Variants in TTC7A observed in about 807,000 individuals in gnomAD.
The protein encoded by TTC7A is tetratricopeptide repeat domain 7A.
A neutral mutation model predicts 103.7 loss-of-function variants in TTC7A; 110 were observed. The ratio of observed to expected loss-of-function variants is 1.06; its 90% confidence interval spans 0.91 to 1.24. The LOEUF (loss-of-function observed/expected upper bound fraction) is 1.24, where lower values mean the gene tolerates loss of function less well. TTC7A is among the 50% of genes most tolerant of loss of function. The probability of loss-of-function intolerance (pLI) is 0.00; values close to 1 mark genes in which losing one functional copy is unlikely to be tolerated. For missense variants in TTC7A, 1,340 were observed against 1,116.3 expected, an observed-to-expected ratio of 1.20 and a Z score of -2.86; for synonymous variants, 521 against 467.9, an observed-to-expected ratio of 1.11 and a Z score of -1.47.
At chr2:47,036,606 A>G (rs371119750) in intron 15 of TTC7A, among the ~76,000 whole-genome samples, 13 of 152,304 alleles carry the variant, frequency 8.5e-5, no homozygotes, top group African/African-American at 3.1e-4. Context: ...GGCTGGGCAC[A>G]GTGGCTTTGG....
chr2:47,002,560 C>T (rs1676933049), intron 8 of TTC7A, among the ~76,000 whole-genome samples: 1 of 152,040 alleles, frequency 6.6e-6, no homozygotes, highest in Non-Finnish European at 1.5e-5. Context: ...ACCATGTGGC[C>T]TGAGGGCAGT....
intron 15 of TTC7A, among the ~76,000 whole-genome samples, chr2:47,037,105 A>C (rs1173492678): frequency 5.9e-5 from 9 of 152,084 alleles, no homozygotes; most frequent in Admixed American, 5.2e-4. Context: ...CTTCCTGCCC[A>C]TCTTCAGAGG....
Position 46,962,601 on chromosome 2 carries a change from T to G in TTC7A, c.517+5594T>G, listed in dbSNP as rs539533090. 3.3e-5 allele frequency among the ~76,000 whole-genome samples: 5 copies of G among 152,334 alleles called. No individual in the cohort carries two copies. The East Asian group carries it at 9.6e-4, about 29-fold the overall frequency. On this transcript the variant is annotated intron_variant, in intron 3 of 19. Coordinates refer to ENST00000319190, the MANE Select transcript of TTC7A (RefSeq NM_020458.4). ...TGCAGCTAGAGGGGAAGCAGCTGTT[T>G]GGAAGACCCCAGAGTGGCTGGTCTG... is the stretch of plus-strand genomic sequence containing the variant.
At chr2:47,011,829 G>C (rs10190800) in intron 11 of TTC7A, among the ~76,000 whole-genome samples, 5,299 of 152,342 alleles carry the variant, frequency 0.035, 334 homozygotes, top group African/African-American at 0.12. Context: ...CGCGATTCTG[G>C]GGGCAGAGCT....
At chr2:46,958,504 G>A (rs888973604) in intron 3 of TTC7A, 20 of 1,304,102 alleles carry the variant, frequency 1.5e-5, no homozygotes, top group African/African-American at 1.2e-4. Context: ...GCATGCCTCC[G>A]GCTTCTTGGG....
At position 46,941,847 on chromosome 2, in the gene TTC7A, C is replaced by T. The variant is rs949936786; in HGVS notation, c.184+122C>T. 23 of 1,291,056 alleles carry T rather than the reference C, an allele frequency of 1.8e-5. No individual in the cohort carries two copies. In the African/African-American group the frequency reaches 1.9e-4, roughly 11 times the overall value. 80.0% of individuals were successfully genotyped at this position (1,291,056 alleles called of 1,614,324 possible). A position where few individuals can be genotyped will look rare whatever the true frequency, so the allele number is the denominator to read the frequency against. On this transcript the variant is annotated intron_variant, in intron 1 of 19. Coordinates refer to ENST00000319190, the MANE Select transcript of TTC7A (RefSeq NM_020458.4). The surrounding 1 kb of genome is among the most constrained non-coding windows in gnomAD (Gnocchi z 4.2). Reference sequence around the variant, plus strand: ...GCGCCTGCCAGCCCACCGTGCTAGTCTTAAGAGCAGCCAGGGCAGTTAGGA... The same window carrying T: ...GCGCCTGCCAGCCCACCGTGCTAGTTTTAAGAGCAGCCAGGGCAGTTAGGA...
chr2:47,023,308 G>A (rs1679495584), intron 12 of TTC7A, 100 bp from the exon 13 acceptor site: 2 of 1,275,352 alleles, frequency 1.6e-6, no homozygotes, highest in African/African-American at 1.5e-5. Context: ...CCCTGGTGGG[G>A]CCTTTATCTG....
At chr2:47,056,266 C>G (rs1683304645) in intron 18 of TTC7A, among the ~76,000 whole-genome samples, 1 of 152,250 alleles carries the variant, frequency 6.6e-6, no homozygotes, top group Non-Finnish European at 1.5e-5. Context: ...GTGTCTGATG[C>G]TTATTTCCTT....
intron 15 of TTC7A, among the ~76,000 whole-genome samples, chr2:47,031,589 A>G (rs2104605328): frequency 6.6e-6 from 1 of 152,332 alleles, no homozygotes; most frequent in East Asian, 1.9e-4. Flanking sequence ...TCAGCTCGGC[A>G]TCAGAATTTC....
intron 3 of TTC7A, among the ~76,000 whole-genome samples, chr2:46,959,867 A>T (rs1382300384): frequency 6.6e-6 from 1 of 152,212 alleles, no homozygotes; most frequent in Non-Finnish European, 1.5e-5. Context: ...GTATTTGTGT[A>T]TATAAGGTGT....
At chr2:47,032,535 C>G (rs1019110173) in intron 15 of TTC7A, among the ~76,000 whole-genome samples, 1 of 152,152 alleles carries the variant, frequency 6.6e-6, no homozygotes, top group Non-Finnish European at 1.5e-5. Flanking sequence ...AGCAGACTTT[C>G]GTTCCATGCC....
intron 11 of TTC7A, among the ~76,000 whole-genome samples, chr2:47,017,173 C>T (rs1390694107): frequency 7.1e-6 from 1 of 141,716 alleles, no homozygotes; most frequent in African/African-American, 2.6e-5. Flanking sequence ...GCACTCCAGC[C>T]TGGGCAACAA....
At chr2:46,921,809 A>C (rs1669117867) in intron 2 of TTC7A, among the ~76,000 whole-genome samples, 1 of 152,164 alleles carries the variant, frequency 6.6e-6, no homozygotes, top group Non-Finnish European at 1.5e-5. Flanking sequence ...TAGATCCCTT[A>C]CATGCGCAGT....
chr2:47,057,765 C>G (rs2104763959), intron 18 of TTC7A, among the ~76,000 whole-genome samples: 4 of 152,316 alleles, frequency 2.6e-5, no homozygotes, highest in Middle Eastern at 6.8e-3. Context: ...CCTCTTAGTC[C>G]AAAGGCCTCT....
chr2:46,942,880 C>CTTTTTG (rs1403865547), intron 1 of TTC7A, among the ~76,000 whole-genome samples: 4 of 151,964 alleles, frequency 2.6e-5, no homozygotes, highest in Admixed American at 1.3e-4. Context: ...TTTTGGTTGT[C>CTTTTTG]TTTTTGTTTT....
chr2:46,965,200 T>C lies in TTC7A; in HGVS notation c.517+8193T>C, dbSNP rs75908429. Among the ~76,000 whole-genome samples, 8 of 152,370 alleles carry C rather than the reference T, an allele frequency of 5.3e-5. No homozygotes were observed. The East Asian group carries it at 1.5e-3, about 29-fold the overall frequency. ...TTTGGTCAGTGCAACCCCAAGGTAT[T>C]CTGCTGTCACCTGGAATTGTGTGGC... On this transcript the variant is annotated intron_variant, in intron 3 of 19. Coordinates refer to ENST00000319190, the MANE Select transcript of TTC7A (RefSeq NM_020458.4).
In TTC7A at chr2:47,065,086, G is replaced by C. The variant is rs572472284; in HGVS notation, c.2355+4115G>C. ...GCGGATCACGAGGTCAGGAGATCGA[G>C]ACCATCCTGGCTAACACGGTGAAAC... On this transcript the variant is annotated intron_variant, in intron 19 of 19. Transcript: ENST00000319190. Among the ~76,000 whole-genome samples the C allele has an allele frequency of 1.5e-3, 231 of 152,264 alleles. 1 individual carries two copies. The highest frequency in any genetic ancestry group is 5.3e-3 in the African/African-American group (222 of 41,542).
chr2:47,065,715 T>A (rs1427466685), intron 19 of TTC7A: 1 of 152,224 alleles, frequency 6.6e-6, no homozygotes, highest in Non-Finnish European at 1.5e-5. Flanking sequence ...CTGCTATCCT[T>A]CAGCAGCCCC....
intron 11 of TTC7A, 118 bp from the exon 12 acceptor site, chr2:47,021,744 G>C: frequency 1.3e-6 from 1 of 793,408 alleles, no homozygotes. Flanking sequence ...CCCTGTGAGA[G>C]TAAGGCCCTG....
Sources: allele counts gnomAD v4.1 joint callset (sites outside exome capture counted in the v4.1 genomes callset), GRCh38; gene constraint gnomAD v4.1.1; non-coding constraint Gnocchi (gnomAD v3.1); transcripts MANE v1.5; gene names NCBI Gene and HGNC (gene_info 2026-07-23, HGNC 2026-07-21).